The following TMEM41B variants were observed in gnomAD, a reference collection of about 807,000 sequenced individuals.
The protein encoded by TMEM41B is protein stasimon.
In TMEM41B, 18 loss-of-function variants were observed where a neutral mutation model predicts 31.9. The ratio of observed to expected loss-of-function variants is 0.56; its 90% CI spans 0.39 to 0.84. The LOEUF (loss-of-function observed/expected upper bound fraction) is 0.84. Among genes scored for constraint, TMEM41B ranks in the 40% least tolerant of loss-of-function variants. The pLI, the probability that TMEM41B is intolerant of heterozygous loss-of-function variation, is 0.00. For synonymous variants in TMEM41B, 144 were observed against 124.3 expected (o/e 1.16, Z -1.05); for missense variants, 322 against 348.0 (o/e 0.93, Z 0.59).
chr11:9,300,005 G>C (rs893824309), intron 1 of TMEM41B, among the ~76,000 whole-genome samples: 2 of 152,296 alleles, frequency 1.3e-5, no homozygotes, highest in East Asian at 1.9e-4. Context: ...TGTAATCCCA[G>C]CTATTCGGGA....
chr11:9,314,593 C>A lies in TMEM41B; in HGVS notation c.-152G>T. The A allele has an allele frequency of 9.4e-7, 1 of 1,068,454 alleles. No homozygotes were observed. The allele number at this position is 1,068,454 out of a possible 1,614,324, so 66.2% of individuals were successfully genotyped here. ...GACGACCTCAGCCCAGCGAGTACTG[C>A]AACCTCCTGCAAACACCCGCAGCGC... On this transcript the variant is annotated 5_prime_UTR_variant, in exon 1 of 7. Coordinates refer to ENST00000528080, the MANE Select transcript of TMEM41B (RefSeq NM_015012.4).
In TMEM41B at chr11:9,311,329, G is replaced by A. The variant is rs1026972167; in HGVS notation, c.121+2992C>T. On this transcript the variant is annotated intron_variant, in intron 1 of 6. Coordinates refer to ENST00000528080, the MANE Select transcript of TMEM41B (RefSeq NM_015012.4). ...GAGGAGGAATGCTTGCTATGCTTGT[G>A]CATCTTTTTATGAGCTTTCTTCATT... The A allele has an allele frequency of 5.3e-6, 8 of 1,517,760 alleles. No individual in the cohort carries two copies. In the African/African-American group the frequency reaches 1.1e-4, roughly 21 times the overall value. The allele number at this position is 1,517,760 out of a possible 1,614,324, so 94.0% of individuals were successfully genotyped here. A position where few individuals can be genotyped will look rare whatever the true frequency, so the allele number is the denominator to read the frequency against.
At chr11:9,286,735 C>G (rs1852845893) in intron 5 of TMEM41B, 142 bp from the exon 6 acceptor site, 1 of 844,776 alleles carries the variant, frequency 1.2e-6, no homozygotes, top group Admixed American at 3.4e-5. Context: ...CGAGGTGGTT[C>G]ATGCCTGTAA....
intron 4 of TMEM41B, 143 bp downstream of exon 4, chr11:9,288,299 C>A: frequency 3.4e-6 from 2 of 583,244 alleles, no homozygotes. Flanking sequence ...AATTATAACA[C>A]CTCCTTGTGG....
At chr11:9,289,580 T>C (rs933152156) in intron 3 of TMEM41B, among the ~76,000 whole-genome samples, 38 of 152,312 alleles carry the variant, frequency 2.5e-4, no homozygotes, top group African/African-American at 8.4e-4. Context: ...CTCAGTTGTC[T>C]ATAACTTAAA....
At chr11:9,308,018 G>A (rs1016708133) in intron 1 of TMEM41B, among the ~76,000 whole-genome samples, 5 of 152,120 alleles carry the variant, frequency 3.3e-5, no homozygotes, top group African/African-American at 4.8e-5. Flanking sequence ...TTACAGGCGT[G>A]AGCCACCGCG....
chr11:9,308,544 T>TA (rs1853456146), intron 1 of TMEM41B, among the ~76,000 whole-genome samples: 2 of 152,178 alleles, frequency 1.3e-5, no homozygotes, highest in South Asian at 4.1e-4. Context: ...CTGAAATCCT[T>TA]ATTCTTTCCT....
chr11:9,308,588 T>A (rs1167062864), intron 1 of TMEM41B, among the ~76,000 whole-genome samples: 2 of 152,186 alleles, frequency 1.3e-5, no homozygotes, highest in Non-Finnish European at 2.9e-5. Context: ...GCACTACAAA[T>A]TCACTTTCTT....
rs137999903 is a variant in TMEM41B at position 9,309,173 on chromosome 11, G to A, written c.121+5148C>T. Among the ~76,000 whole-genome samples the A allele has an allele frequency of 7.8e-4, 119 of 152,158 alleles. 1 individual carries two copies. The East Asian group carries it at 0.021, about 27-fold the overall frequency. On this transcript the variant is annotated intron_variant, in intron 1 of 6. Coordinates refer to ENST00000528080, the MANE Select transcript of TMEM41B (RefSeq NM_015012.4). ...GAGGCGGAGAATCGCTTGAATCTGG[G>A]AGGTGGAGGTTGTGGTGAGCCAAGA...
intron 3 of TMEM41B, among the ~76,000 whole-genome samples, chr11:9,291,419 T>TC (rs1397728045): frequency 2.0e-5 from 3 of 151,578 alleles, no homozygotes; most frequent in Non-Finnish European, 4.4e-5. Context: ...AAATTTTTTT[T>TC]TGAGACTGAG....
rs1357663851 is a variant in TMEM41B, at chr11:9,281,397, T to C, written c.*2027A>G. ...GCCAGGTGACATAAGAATACTACAA[T>C]AATCAATATGTTTTCTTTGTATTTA... On this transcript the variant is annotated 3_prime_UTR_variant, in exon 7 of 7. Transcript: ENST00000528080. 6.6e-6 allele frequency: 1 copy of C among 152,192 alleles called. No individual in the cohort carries two copies. The highest frequency in any genetic ancestry group is 1.5e-5 in the Non-Finnish European group (1 of 68,028). 9.4% of individuals were successfully genotyped at this position (152,192 alleles called of 1,614,324 possible).
At chr11:9,294,750 AC>A (rs1026694277) in intron 3 of TMEM41B, among the ~76,000 whole-genome samples, 39 of 152,204 alleles carry the variant, frequency 2.6e-4, no homozygotes, top group African/African-American at 8.9e-4. Context: ...ATTGTAAAAA[AC>A]ATTCATTCCT....
At chr11:9,286,959 C>T (rs182324685) in intron 5 of TMEM41B, among the ~76,000 whole-genome samples, 2 of 150,814 alleles carry the variant, frequency 1.3e-5, no homozygotes, top group Non-Finnish European at 2.9e-5. Context: ...AAGATCACGC[C>T]ACTGCACTTC....
intron 3 of TMEM41B, among the ~76,000 whole-genome samples, chr11:9,294,180 CAAAAAAAAAAAAAAAAAAAAAA>C: frequency 1.4e-5 from 1 of 73,444 alleles, no homozygotes; most frequent in Non-Finnish European, 2.4e-5. Flanking sequence ...GAACCTGTCT[CAAAAAAAAAAAAAAAAAAAAAA>C]AAAAAAAAAA....
intron 1 of TMEM41B, among the ~76,000 whole-genome samples, chr11:9,308,181 A>G (rs920144655): frequency 3.3e-5 from 5 of 152,146 alleles, no homozygotes; most frequent in African/African-American, 1.2e-4. Context: ...ACCCTCTACT[A>G]AAAATACAAA....
At position 9,294,180 on chromosome 11, in the gene TMEM41B, C is replaced by CAA. The variant is rs538372314; in HGVS notation, c.368+1077_368+1078dup. Among the ~76,000 whole-genome samples, 47 of 73,440 alleles carry CAA rather than the reference C, an allele frequency of 6.4e-4. 1 individual carries two copies. Among genetic ancestry groups the CAA allele is most frequent in the African/African-American group, 2.8e-3 (45 of 16,050 alleles). The allele number at this position is 73,440 out of a possible 152,430, so 48.2% of individuals were successfully genotyped here. On this transcript the variant is annotated intron_variant, in intron 3 of 6. Coordinates refer to ENST00000528080, the MANE Select transcript of TMEM41B (RefSeq NM_015012.4). ...TGGGTGACAGGGGGAGAACCTGTCT[C>CAA]AAAAAAAAAAAAAAAAAAAAAAAAA...
chr11:9,296,262 G>C (rs1853083258), intron 2 of TMEM41B, among the ~76,000 whole-genome samples: 1 of 152,106 alleles, frequency 6.6e-6, no homozygotes, highest in Non-Finnish European at 1.5e-5. Context: ...TGAAGGCTCT[G>C]GATGACGCAA....
chr11:9,295,351 C>T lies in TMEM41B; in HGVS notation c.276G>A (p.Met92Ile), dbSNP rs566105173. 72 of 1,596,772 alleles carry T rather than the reference C, an allele frequency of 4.5e-5. 1 individual carries two copies. In the South Asian group the frequency reaches 7.6e-4, roughly 17 times the overall value. ...ERVNMKVPRD[M>I]DDAKALGKVL... The stretch of plus-strand genomic sequence containing the variant: ...CTTTTCCTAGAGCCTTGGCATCATC[C>T]ATATCTCTGGGAACCTTCATATTCA... The change falls in exon 3 of 7, where the codon ATG (methionine) becomes ATA (isoleucine). Residue 92 changes from methionine (M) to isoleucine (I), a missense_variant. By Grantham distance (10) the Met-to-Ile change is conservative. Coordinates refer to ENST00000528080, the MANE Select transcript of TMEM41B (RefSeq NM_015012.4).
At position 9,283,163 on chromosome 11, in the gene TMEM41B, G is replaced by C. The variant is rs1028057658; in HGVS notation, c.*261C>G. ...TCCTACCACACTACTATTATCTACA[G>C]CTACCCTTGGTATAATAATTTATAA... On this transcript the variant is annotated 3_prime_UTR_variant, in exon 7 of 7. Coordinates refer to ENST00000528080, the MANE Select transcript of TMEM41B (RefSeq NM_015012.4). 2 of 261,600 alleles carry C rather than the reference G, an allele frequency of 7.6e-6. No homozygotes were observed. Among genetic ancestry groups the C allele is most frequent in the African/African-American group, 4.5e-5 (2 of 44,758 alleles). The allele number at this position is 261,600 out of a possible 1,614,324, so 16.2% of individuals were successfully genotyped here.
Sources: gnomAD v4.1 joint callset for allele counts (sites outside exome capture counted in the v4.1 genomes callset) on GRCh38, gnomAD v4.1.1 for gene constraint, MANE v1.5 for transcripts, NCBI Gene and HGNC (gene_info 2026-07-23, HGNC 2026-07-21) for gene names.